The following ADAM20 variants were observed in gnomAD, a reference collection of about 807,000 sequenced individuals.
ADAM20 encodes ADAM metallopeptidase domain 20.
For synonymous variants in ADAM20, 305 were observed against 310.2 expected (o/e 0.98, Z 0.18); for missense variants, 871 against 883.2 (o/e 0.99, Z 0.18).
the ADAM20 span, among the ~76,000 whole-genome samples, chr14:70,554,174 CAAATA>C: frequency 6.6e-6 from 1 of 152,000 alleles, no homozygotes; most frequent in Non-Finnish European, 1.5e-5. Context: ...ACAATAGCCA[CAAATA>C]AAATAAAATA....
intron 1 of ADAM20, among the ~76,000 whole-genome samples, chr14:70,533,848 T>C (rs1953803): frequency 0.22 from 32,879 of 151,176 alleles, 4,715 homozygotes; most frequent in East Asian, 0.53. Context: ...TTTGGGAGGC[T>C]AAGGTGGGTG....
At chr14:70,542,123 T>G in the ADAM20 span, among the ~76,000 whole-genome samples, 1 of 152,226 alleles carries the variant, frequency 6.6e-6, no homozygotes, top group Admixed American at 6.5e-5. Flanking sequence ...TCAAATAAAC[T>G]TTCCTTTTGA....
At chr14:70,577,486 C>A in the ADAM20 span, among the ~76,000 whole-genome samples, 1 of 152,116 alleles carries the variant, frequency 6.6e-6, no homozygotes, top group African/African-American at 2.4e-5. Context: ...TAACTGGCAC[C>A]AAATACGTCC....
At position 70,523,955 on chromosome 14, in the gene ADAM20, G is replaced by A; in HGVS notation, c.803C>T (p.Thr268Ile). 1 of 1,613,946 alleles carries A rather than the reference G, an allele frequency of 6.2e-7. No individual in the cohort carries two copies. Among genetic ancestry groups the A allele is most frequent in the Non-Finnish European group, 8.5e-7 (1 of 1,179,926 alleles). Residue 268 changes from threonine (T) to isoleucine (I), a missense_variant, in exon 2 of 2, where the codon ACC becomes ATC. Thr to Ile is a moderately conservative substitution (Grantham distance 89). Transcript: ENST00000256389. ...DIWTASNPLP[T>I]SGDLDNVLED... The stretch of plus-strand genomic sequence containing the variant: ...TAAAACATTATCTAGGTCTCCACTG[G>A]TAGGAAGTGGATTTGATGCAGTCCA...
upstream of ADAM20, among the ~76,000 whole-genome samples, chr14:70,536,784 T>C (rs60848570): frequency 0.22 from 33,187 of 151,362 alleles, 4,829 homozygotes; most frequent in East Asian, 0.53. Context: ...CCCCTCCAGC[T>C]GGAGAGATGT....
chr14:70,539,930 C>T (rs908784113), upstream of ADAM20, among the ~76,000 whole-genome samples: 5 of 152,222 alleles, frequency 3.3e-5, no homozygotes, highest in Non-Finnish European at 7.3e-5. Flanking sequence ...CTGGACCCAG[C>T]TTTCACTATC....
At chr14:70,562,637 T>C in the ADAM20 span, among the ~76,000 whole-genome samples, 33 of 152,308 alleles carry the variant, frequency 2.2e-4, no homozygotes, top group Admixed American at 6.5e-4. Flanking sequence ...GTTCTCATGA[T>C]AGTGAGTGAG....
the ADAM20 span, among the ~76,000 whole-genome samples, chr14:70,540,788 A>G: frequency 6.6e-6 from 1 of 152,200 alleles, no homozygotes; most frequent in Non-Finnish European, 1.5e-5. Flanking sequence ...GAGAATTTAT[A>G]TAAAAAATAA....
chr14:70,538,821 T>C (rs1883888525), upstream of ADAM20, among the ~76,000 whole-genome samples: 1 of 152,208 alleles, frequency 6.6e-6, no homozygotes, highest in Non-Finnish European at 1.5e-5. Flanking sequence ...TTTTCTGAGA[T>C]GGAGTCTTGC....
rs755002454 is a variant in ADAM20, at chr14:70,524,310, C to T, written c.448G>A (p.Val150Ile). Reference protein sequence around the residue: ...DLVYEIKPISVSATFEHLVYK... With the variant: ...DLVYEIKPISISATFEHLVYK... ...ACTAGGTGTTCAAATGTGGCAGAAA[C>T]ACTAATTGGCTTGATTTCATAAACA... The change falls in exon 2 of 2, where the codon GTT becomes ATT. Residue 150 changes from valine to isoleucine, a missense_variant. Physicochemically the swap from Val to Ile is conservative, Grantham distance 29 (BLOSUM62 3). Transcript: ENST00000256389. 1.2e-6 allele frequency: 2 copies of T among 1,614,016 alleles called. No homozygotes were observed. The highest frequency in any genetic ancestry group is 4.5e-5 in the East Asian group (2 of 44,886).
upstream of ADAM20, among the ~76,000 whole-genome samples, chr14:70,537,916 C>T (rs1180195515): frequency 6.6e-6 from 1 of 152,118 alleles, no homozygotes; most frequent in African/African-American, 2.4e-5. Context: ...TATATTCAGG[C>T]TTTCTTCTAC....
At chr14:70,539,422 G>C (rs893160150), upstream of ADAM20, among the ~76,000 whole-genome samples, 3 of 152,202 alleles carry the variant, frequency 2.0e-5, no homozygotes, top group Non-Finnish European at 4.4e-5. Flanking sequence ...CCCTTGTGGG[G>C]AGCCTATAAA....
chr14:70,579,331 A>G, the ADAM20 span, among the ~76,000 whole-genome samples: 1 of 152,108 alleles, frequency 6.6e-6, no homozygotes, highest in Non-Finnish European at 1.5e-5. Context: ...TTTTCTCCAC[A>G]TCCTTGCCAA....
chr14:70,567,967 C>T, the ADAM20 span, among the ~76,000 whole-genome samples: 26 of 152,214 alleles, frequency 1.7e-4, no homozygotes, highest in African/African-American at 6.0e-4. Flanking sequence ...TTCCCACTGG[C>T]CCCCTAACCC....
chr14:70,532,099 A>T (rs1595022047), intron 1 of ADAM20, among the ~76,000 whole-genome samples: 1 of 152,306 alleles, frequency 6.6e-6, no homozygotes, highest in Middle Eastern at 3.4e-3. Flanking sequence ...TTCAAAATAT[A>T]TTATAAATAT....
the ADAM20 span, among the ~76,000 whole-genome samples, chr14:70,579,148 C>G: frequency 6.6e-6 from 1 of 152,054 alleles, no homozygotes; most frequent in East Asian, 1.9e-4. Context: ...AATAAACATA[C>G]AAGTGCAGGT....
upstream of ADAM20, among the ~76,000 whole-genome samples, chr14:70,539,078 G>C (rs1219761322): frequency 6.7e-6 from 1 of 149,160 alleles, no homozygotes; most frequent in African/African-American, 2.5e-5. Flanking sequence ...CTGCCAGAAC[G>C]AGCCAACAGT....
the ADAM20 span, among the ~76,000 whole-genome samples, chr14:70,540,029 G>A: frequency 4.9e-3 from 739 of 152,202 alleles, 4 homozygotes; most frequent in African/African-American, 0.011. Flanking sequence ...GCCAGGTCCC[G>A]CAACACACGC....
At chr14:70,563,666 G>A in the ADAM20 span, among the ~76,000 whole-genome samples, 1 of 151,914 alleles carries the variant, frequency 6.6e-6, no homozygotes, top group South Asian at 2.1e-4. Context: ...GTAATAGTGA[G>A]TGTATTCTCC....
Sources: allele counts gnomAD v4.1 joint callset (sites outside exome capture counted in the v4.1 genomes callset), GRCh38; gene constraint gnomAD v4.1.1; transcripts MANE v1.5; gene names NCBI Gene and HGNC (gene_info 2026-07-23, HGNC 2026-07-21).